FMNL2: variants seen among roughly 807,000 people sequenced by gnomAD.
FMNL2 encodes formin like 2.
A neutral mutation model predicts 130.2 loss-of-function variants in FMNL2; 51 were observed. The ratio of observed to expected loss-of-function variants is 0.39; its 90% confidence interval spans 0.31 to 0.49. The LOEUF (loss-of-function observed/expected upper bound fraction) is 0.49. Ranked by LOEUF, FMNL2 falls within the 20% of genes least tolerant of loss-of-function variation. The pLI, the probability that FMNL2 is intolerant of heterozygous loss-of-function variation, is 0.85. For synonymous variants in FMNL2, 465 were observed against 467.1 expected (o/e 1.00, Z 0.06); for missense variants, 977 against 1,316.2 (o/e 0.74, Z 3.99).
At chr2:152,538,934 G>T (rs1215511446) in intron 2 of FMNL2, among the ~76,000 whole-genome samples, 1 of 152,084 alleles carries the variant, frequency 6.6e-6, no homozygotes, top group Non-Finnish European at 1.5e-5. Flanking sequence ...GATGGATTAT[G>T]GGCATCCTAT....
At chr2:152,401,227 T>C (rs974592561) in intron 1 of FMNL2, among the ~76,000 whole-genome samples, 1 of 152,222 alleles carries the variant, frequency 6.6e-6, no homozygotes, top group Non-Finnish European at 1.5e-5. Context: ...AAGTATTATT[T>C]TACAGAAGTC....
At chr2:152,394,609 G>GA (rs1251331082) in intron 1 of FMNL2, among the ~76,000 whole-genome samples, 3 of 142,042 alleles carry the variant, frequency 2.1e-5, no homozygotes, top group Non-Finnish European at 3.1e-5. Context: ...GTTGTTCTCT[G>GA]AAAAAAAAAT....
chr2:152,356,179 C>T (rs1482562573), intron 1 of FMNL2, among the ~76,000 whole-genome samples: 1 of 152,178 alleles, frequency 6.6e-6, no homozygotes, highest in Non-Finnish European at 1.5e-5. Context: ...CTCTGTCACC[C>T]AGGCTGGAGT....
At chr2:152,576,510 C>T (rs990809095) in intron 7 of FMNL2, among the ~76,000 whole-genome samples, 2 of 152,134 alleles carry the variant, frequency 1.3e-5, no homozygotes, top group African/African-American at 4.8e-5. Context: ...TTACTCTCCC[C>T]ATTTTACTGA....
intron 11 of FMNL2, among the ~76,000 whole-genome samples, chr2:152,613,823 T>C (rs1698809087): frequency 6.6e-6 from 1 of 152,190 alleles, no homozygotes; most frequent in African/African-American, 2.4e-5. Context: ...ACTCATCTGT[T>C]CCCCAGGGAA....
rs947952028 is a variant in FMNL2 at position 152,646,351 on chromosome 2, A to G, written c.3170-1445A>G. 4.6e-5 allele frequency among the ~76,000 whole-genome samples: 6 copies of G among 129,220 alleles called. No individual in the cohort carries two copies. The East Asian group carries it at 1.3e-3, about 28-fold the overall frequency. 84.8% of individuals were successfully genotyped at this position (129,220 alleles called of 152,430 possible). On this transcript the variant is annotated intron_variant, in intron 25 of 25. Coordinates refer to ENST00000288670, the MANE Select transcript of FMNL2 (RefSeq NM_052905.4). The stretch of plus-strand genomic sequence containing the variant: ...CCTCACAACCCCCGCCCACCCCCCC[A>G]GAAAAGAGTAGGGCAGGGTCACACA...
chr2:152,391,317 AG>A (rs1212555046), intron 1 of FMNL2, among the ~76,000 whole-genome samples: 1 of 152,216 alleles, frequency 6.6e-6, no homozygotes, highest in African/African-American at 2.4e-5. Context: ...AGATTCTGAC[AG>A]ATTAAGGTTT....
At chr2:152,590,465 A>C (rs779048357) in intron 9 of FMNL2, among the ~76,000 whole-genome samples, 22 of 152,040 alleles carry the variant, frequency 1.4e-4, no homozygotes, top group Non-Finnish European at 2.4e-4. Flanking sequence ...TAAAAATACA[A>C]AAAATTAGCT....
chr2:152,373,597 A>G (rs1337897063), intron 1 of FMNL2, among the ~76,000 whole-genome samples: 1 of 152,176 alleles, frequency 6.6e-6, no homozygotes, highest in East Asian at 1.9e-4. Flanking sequence ...ACTTTAAATC[A>G]CCTATAGATT....
rs1486063368 is a variant in FMNL2 at position 152,640,800 on chromosome 2, C to G, written c.3055C>G (p.His1019Asp). ...CCTTCTTTCTTCTCAGTCTCCTTCT[C>G]ATAAATCAAAGAGGCAGCAGCAAGA... ...MEQQDPKSPS[H>D]KSKRQQQELI... Residue 1019 changes from histidine (H) to aspartate (D), a missense_variant, in exon 25 of 26, where the codon CAT becomes GAT. Physicochemically the swap from His to Asp is moderately conservative, Grantham distance 81 (BLOSUM62 -1). Coordinates refer to ENST00000288670, the MANE Select transcript of FMNL2 (RefSeq NM_052905.4). The G allele has an allele frequency of 6.2e-7, 1 of 1,613,074 alleles. No individual in the cohort carries two copies. The highest frequency in any genetic ancestry group is 1.7e-5 in the Admixed American group (1 of 59,936).
chr2:152,574,630 A>G (rs1459096199), intron 6 of FMNL2, among the ~76,000 whole-genome samples: 1 of 152,154 alleles, frequency 6.6e-6, no homozygotes, highest in East Asian at 1.9e-4. Flanking sequence ...ACAATTTAAC[A>G]AAAGGCAGTT....
intron 2 of FMNL2, among the ~76,000 whole-genome samples, chr2:152,526,456 C>A (rs1170337301): frequency 6.6e-6 from 1 of 152,164 alleles, no homozygotes; most frequent in Non-Finnish European, 1.5e-5. Context: ...AAGTTCCAGG[C>A]TTTGATTCTA....
intron 25 of FMNL2, among the ~76,000 whole-genome samples, chr2:152,646,507 A>G (rs985031424): frequency 6.6e-6 from 1 of 151,844 alleles, no homozygotes; most frequent in Non-Finnish European, 1.5e-5. Flanking sequence ...CAGATCTTCC[A>G]GTTTTTCAAA....
chr2:152,391,796 T>A (rs1685122644), intron 1 of FMNL2, among the ~76,000 whole-genome samples: 1 of 71,516 alleles, frequency 1.4e-5, no homozygotes, highest in Admixed American at 1.4e-4. Flanking sequence ...GGCCTTTTTC[T>A]AGACTCCTAA....
chr2:152,595,229 T>C (rs867572689), intron 9 of FMNL2, among the ~76,000 whole-genome samples: 50 of 152,244 alleles, frequency 3.3e-4, no homozygotes, highest in African/African-American at 1.1e-3. Context: ...GTGCTTTCTA[T>C]GTGGAACGTG....
chr2:152,517,486 G>T (rs962647971), intron 1 of FMNL2, among the ~76,000 whole-genome samples: 11 of 152,170 alleles, frequency 7.2e-5, no homozygotes, highest in African/African-American at 2.7e-4. Context: ...TTAGGGTACA[G>T]TGTACTAGGT....
chr2:152,407,362 G>A (rs1441001400), intron 1 of FMNL2, among the ~76,000 whole-genome samples: 9 of 151,832 alleles, frequency 5.9e-5, no homozygotes, highest in Non-Finnish European at 1.0e-4. Context: ...TTTTACAGTC[G>A]TTTGGGAGAA....
At chr2:152,555,170 T>C (rs534445825) in intron 4 of FMNL2, among the ~76,000 whole-genome samples, 1 of 152,274 alleles carries the variant, frequency 6.6e-6, no homozygotes, top group South Asian at 2.1e-4. Context: ...AAACAACTAA[T>C]GTCCTAATAT....
intron 1 of FMNL2, among the ~76,000 whole-genome samples, chr2:152,349,734 G>C (rs1682365048): frequency 6.6e-6 from 1 of 151,894 alleles, no homozygotes; most frequent in South Asian, 2.1e-4. Flanking sequence ...GGTTTGGAGG[G>C]AAGGTGCCTT....
Sources: allele counts gnomAD v4.1 joint callset (sites outside exome capture counted in the v4.1 genomes callset), GRCh38; gene constraint gnomAD v4.1.1; transcripts MANE v1.5; gene names NCBI Gene and HGNC (gene_info 2026-07-23, HGNC 2026-07-21).